Variants in CDH1 observed in about 807,000 individuals in gnomAD.
The protein encoded by CDH1 is cadherin-1.
CDH1 carries 35 observed loss-of-function variants against 84.5 expected under a neutral mutation model. That is an observed-to-expected ratio of 0.41 (90% CI 0.32 to 0.55). The LOEUF (loss-of-function observed/expected upper bound fraction) is 0.55. Among genes scored for constraint, CDH1 ranks in the 20% least tolerant of loss-of-function variants. The probability of loss-of-function intolerance (pLI) is 0.19; values close to 1 mark genes in which losing one functional copy is unlikely to be tolerated. For missense variants in CDH1, 994 were observed against 1,126.6 expected (o/e 0.88, Z 1.68); for synonymous variants, 417 against 439.0 (o/e 0.95, Z 0.63).
In CDH1 at chr16:68,803,031, G is replaced by A. The variant is rs557045086; in HGVS notation, c.387+1138G>A. Reference sequence around the variant, plus strand: ...GGAATGTTTCTAGGGGTTGTTATTCGAAGCCAGTTTCTCAAGTGCTCCCGT... The same window carrying A: ...GGAATGTTTCTAGGGGTTGTTATTCAAAGCCAGTTTCTCAAGTGCTCCCGT... On this transcript the variant is annotated intron_variant, in intron 3 of 15. Coordinates refer to ENST00000261769, the MANE Select transcript of CDH1 (RefSeq NM_004360.5). Among the ~76,000 whole-genome samples the A allele has an allele frequency of 3.3e-5, 5 of 152,262 alleles. No homozygotes were observed. The East Asian group carries it at 5.8e-4, about 18-fold the overall frequency.
chr16:68,753,879 G>C (rs548738438), intron 2 of CDH1, among the ~76,000 whole-genome samples: 1 of 152,066 alleles, frequency 6.6e-6, no homozygotes, highest in East Asian at 1.9e-4. Flanking sequence ...TACTTTGGGA[G>C]GCTGAGGCAG....
At chr16:68,815,818 A>T (rs1243683782) in intron 10 of CDH1, 59 bp downstream of exon 10, 1 of 1,570,414 alleles carries the variant, frequency 6.4e-7, no homozygotes, top group Non-Finnish European at 8.8e-7. Context: ...ATCATTTTAT[A>T]TGTAAATCAA....
intron 10 of CDH1, among the ~76,000 whole-genome samples, chr16:68,817,077 T>C (rs931664281): frequency 2.0e-5 from 3 of 152,220 alleles, no homozygotes; most frequent in African/African-American, 7.2e-5. Flanking sequence ...TTGATGTAAT[T>C]CATTGCTTTG....
At chr16:68,743,896 A>G (rs915093953) in intron 2 of CDH1, among the ~76,000 whole-genome samples, 1 of 152,234 alleles carries the variant, frequency 6.6e-6, no homozygotes, top group Non-Finnish European at 1.5e-5. Flanking sequence ...TTATTGATCT[A>G]TTATGAGAAT....
At chr16:68,798,068 C>T (rs1381698580) in intron 2 of CDH1, among the ~76,000 whole-genome samples, 1 of 145,564 alleles carries the variant, frequency 6.9e-6, no homozygotes, top group Non-Finnish European at 1.5e-5. Flanking sequence ...GACAGAGTGA[C>T]ACTCTGTCTC....
chr16:68,785,106 A>T (rs1186240327), intron 2 of CDH1, among the ~76,000 whole-genome samples: 1 of 152,196 alleles, frequency 6.6e-6, no homozygotes, highest in Non-Finnish European at 1.5e-5. Flanking sequence ...TGCCTCCCCC[A>T]TACCTAAAAT....
intron 2 of CDH1, among the ~76,000 whole-genome samples, chr16:68,788,576 G>A (rs8049967): frequency 0.086 from 13,147 of 152,140 alleles, 1,024 homozygotes; most frequent in African/African-American, 0.21. Context: ...ATGCTACTGC[G>A]TTTTGTGATG....
intron 2 of CDH1, among the ~76,000 whole-genome samples, chr16:68,792,072 C>G (rs529253523): frequency 9.9e-5 from 15 of 151,728 alleles, no homozygotes; most frequent in Non-Finnish European, 1.9e-4. Flanking sequence ...AGGTGCCCAC[C>G]ACCATGCCCA....
intron 14 of CDH1, among the ~76,000 whole-genome samples, chr16:68,828,612 C>T (rs1845581590): frequency 6.6e-6 from 1 of 152,240 alleles, no homozygotes; most frequent in African/African-American, 2.4e-5. Context: ...GTCTCAGAGC[C>T]TGCCTTCCTC....
intron 13 of CDH1, among the ~76,000 whole-genome samples, chr16:68,824,823 T>A (rs1961275220): frequency 6.6e-6 from 1 of 151,998 alleles, no homozygotes. Flanking sequence ...AGGAATAAAT[T>A]AGCGATGAAA....
In CDH1 at chr16:68,787,977, C is replaced by G. The variant is rs62055761; in HGVS notation, c.164-13693C>G. ...AATAGCTGGGATTATAGGCATGTGC[C>G]ACCACGCCCCGCTAATTTTTTGTAT... On this transcript the variant is annotated intron_variant, in intron 2 of 15. Transcript: ENST00000261769. Among the ~76,000 whole-genome samples the G allele has an allele frequency of 4.6e-3, 705 of 152,194 alleles. 4 individuals carry two copies. Among genetic ancestry groups the G allele is most frequent in the Middle Eastern group, 0.017 (5 of 294 alleles).
In CDH1 at chr16:68,815,688, C is replaced by T. The variant is rs56836234; in HGVS notation, c.1494C>T (p.Asp498=). ...PPEKRVEVSE[D]FGVGQEITSY... ...AAAAGAGAGTGGAAGTGTCCGAGGA[C>T]TTTGGCGTGGGCCAGGAAATCACAT... Residue 498 remains aspartate, a synonymous_variant, in exon 10 of 16, where the codon GAC becomes GAT. Transcript: ENST00000261769. 1.9e-6 allele frequency: 3 copies of T among 1,614,236 alleles called. No individual in the cohort carries two copies. The highest frequency in any genetic ancestry group is 2.7e-5 in the African/African-American group (2 of 75,062).
chr16:68,766,600 T>C (rs1959396370), intron 2 of CDH1, among the ~76,000 whole-genome samples: 1 of 152,238 alleles, frequency 6.6e-6, no homozygotes, highest in Non-Finnish European at 1.5e-5. Context: ...TAGTTATTAC[T>C]GATAATGGGT....
At chr16:68,786,662 C>G (rs1436523126) in intron 2 of CDH1, among the ~76,000 whole-genome samples, 4 of 148,380 alleles carry the variant, frequency 2.7e-5, no homozygotes, top group Non-Finnish European at 5.9e-5. Flanking sequence ...AGAGTAGATT[C>G]AGCAAATGCT....
intron 2 of CDH1, among the ~76,000 whole-genome samples, chr16:68,794,885 G>A (rs986462256): frequency 5.9e-5 from 9 of 151,342 alleles, no homozygotes; most frequent in Non-Finnish European, 8.8e-5. Context: ...GTAGAGACGG[G>A]GTTTCACCGT....
chr16:68,765,418 C>T (rs1959339188), intron 2 of CDH1: 1 of 152,114 alleles, frequency 6.6e-6, no homozygotes, highest in Non-Finnish European at 1.5e-5. Context: ...GATCTCCTGA[C>T]CTCATGATCC....
intron 2 of CDH1, among the ~76,000 whole-genome samples, chr16:68,799,702 A>G (rs1960446903): frequency 6.6e-6 from 1 of 151,944 alleles, no homozygotes; most frequent in African/African-American, 2.4e-5. Flanking sequence ...AAACTAATAT[A>G]ATCTTCCTTT....
chr16:68,827,548 G>A (rs2152141057), intron 13 of CDH1, among the ~76,000 whole-genome samples: 1 of 152,112 alleles, frequency 6.6e-6, no homozygotes, highest in East Asian at 1.9e-4. Flanking sequence ...TTTAAAGCTT[G>A]CTTACATGAT....
At chr16:68,749,687 G>T (rs1288531139) in intron 2 of CDH1, among the ~76,000 whole-genome samples, 2 of 152,208 alleles carry the variant, frequency 1.3e-5, no homozygotes, top group Non-Finnish European at 2.9e-5. Context: ...AGGCTCAGAG[G>T]TTGCACTGCT....
Sources: gnomAD v4.1 joint callset for allele counts (sites outside exome capture counted in the v4.1 genomes callset) on GRCh38, gnomAD v4.1.1 for gene constraint, MANE v1.5 for transcripts, NCBI Gene and HGNC (gene_info 2026-07-23, HGNC 2026-07-21) for gene names.